AKR1E2: variants seen among roughly 807,000 people sequenced by gnomAD.
AKR1E2 encodes the protein aldo-keto reductase family 1 member E2, also known as 1,5-anhydro-D-fructose reductase.
In AKR1E2, 43 loss-of-function variants were observed where a neutral mutation model predicts 41.9. That is an observed-to-expected ratio of 1.03 (90% CI 0.80 to 1.32). AKR1E2 has a LOEUF of 1.32. Ranked by LOEUF, AKR1E2 falls within the 40% of genes most tolerant of loss-of-function variation. The pLI is 0.00. For synonymous variants in AKR1E2, 121 were observed against 138.9 expected (o/e 0.87, Z 0.91); for missense variants, 423 against 396.5 (o/e 1.07, Z -0.57).
At chr10:4,849,494 C>A (rs1053242872), downstream of AKR1E2, among the ~76,000 whole-genome samples, 5 of 152,168 alleles carry the variant, frequency 3.3e-5, no homozygotes, top group African/African-American at 1.2e-4. Context: ...ATTTTATCTC[C>A]CACAGAGTCA....
chr10:4,844,035 A>G (rs1834096610), intron 8 of AKR1E2, among the ~76,000 whole-genome samples: 6 of 152,216 alleles, frequency 3.9e-5, no homozygotes, highest in Admixed American at 3.9e-4. Flanking sequence ...CATCTGCTCC[A>G]CATGGTGTGT....
chr10:4,837,019 G>A (rs1264168051), intron 4 of AKR1E2, among the ~76,000 whole-genome samples: 1 of 152,202 alleles, frequency 6.6e-6, no homozygotes, highest in African/African-American at 2.4e-5. Flanking sequence ...ATGTATCCGT[G>A]TGCTTAAGAA....
At chr10:4,834,721 C>A (rs1407348561) in intron 3 of AKR1E2, among the ~76,000 whole-genome samples, 2 of 152,246 alleles carry the variant, frequency 1.3e-5, no homozygotes, top group Non-Finnish European at 2.9e-5. Context: ...GTTACACTTT[C>A]CTTGCCCTCA....
the AKR1E2 span, among the ~76,000 whole-genome samples, chr10:4,868,493 A>G: frequency 6.6e-6 from 1 of 152,186 alleles, no homozygotes; most frequent in Non-Finnish European, 1.5e-5. Context: ...TATGTAGTCA[A>G]TCACGTCACC....
chr10:4,858,544 CAG>C, the AKR1E2 span, among the ~76,000 whole-genome samples: 2 of 152,108 alleles, frequency 1.3e-5, no homozygotes, highest in Admixed American at 1.3e-4. Context: ...CATAGAACTA[CAG>C]AGAGAAAGTG....
chr10:4,871,071 A>G, the AKR1E2 span, among the ~76,000 whole-genome samples: 1 of 152,110 alleles, frequency 6.6e-6, no homozygotes, highest in Non-Finnish European at 1.5e-5. Context: ...ATGTTATGCT[A>G]TTGATTCCAT....
intron 3 of AKR1E2, among the ~76,000 whole-genome samples, chr10:4,835,471 A>C (rs1307874794): frequency 1.3e-5 from 2 of 152,202 alleles, no homozygotes; most frequent in Middle Eastern, 3.2e-3. Context: ...AACAGTGAAC[A>C]TCAGGCTGGC....
intron 7 of AKR1E2, 67 bp downstream of exon 7, chr10:4,841,924 TG>T: frequency 6.8e-7 from 1 of 1,467,674 alleles, no homozygotes; most frequent in Non-Finnish European, 9.3e-7. Context: ...TGGGGAGTCC[TG>T]GGGCTTGGCA....
At chr10:4,847,285 T>C (rs946508461) in intron 9 of AKR1E2, 55 bp downstream of exon 9, 2 of 1,609,692 alleles carry the variant, frequency 1.2e-6, no homozygotes, top group African/African-American at 1.3e-5. Context: ...GATTGAATGA[T>C]TGGTGTCTGA....
At chr10:4,846,911 C>T (rs768384101) in intron 8 of AKR1E2, among the ~76,000 whole-genome samples, 8 of 152,216 alleles carry the variant, frequency 5.3e-5, no homozygotes, top group Non-Finnish European at 1.2e-4. Flanking sequence ...ATATTTCCAT[C>T]TGTCCAAGGC....
chr10:4,832,679 G>C (rs2123354), intron 2 of AKR1E2, among the ~76,000 whole-genome samples: 31,396 of 152,124 alleles, frequency 0.21, 3,433 homozygotes, highest in Middle Eastern at 0.34. Flanking sequence ...TTATTTTTGT[G>C]AAGATACTGT....
At chr10:4,842,230 T>C (rs1833947290) in intron 7 of AKR1E2, among the ~76,000 whole-genome samples, 191 bp from the exon 8 acceptor site, 1 of 152,264 alleles carries the variant, frequency 6.6e-6, no homozygotes, top group Non-Finnish European at 1.5e-5. Context: ...GCAGATTCTC[T>C]GATCTCCTCC....
downstream of AKR1E2, among the ~76,000 whole-genome samples, chr10:4,851,974 G>A (rs1834534001): frequency 6.6e-6 from 1 of 152,200 alleles, no homozygotes; most frequent in South Asian, 2.1e-4. Flanking sequence ...CCCAGTGACA[G>A]TGCCAGACCC....
the AKR1E2 span, among the ~76,000 whole-genome samples, chr10:4,868,401 G>A: frequency 3.9e-5 from 6 of 152,084 alleles, no homozygotes; most frequent in Admixed American, 1.3e-4. Flanking sequence ...TTTCTTCATC[G>A]CTTTGGTCTG....
downstream of AKR1E2, among the ~76,000 whole-genome samples, chr10:4,852,559 T>C (rs893270150): frequency 1.4e-5 from 2 of 143,246 alleles, no homozygotes; most frequent in African/African-American, 5.1e-5. Flanking sequence ...TAAGTTAGAT[T>C]AAGTGGGATT....
intron 3 of AKR1E2, among the ~76,000 whole-genome samples, chr10:4,834,211 C>A (rs542663651): frequency 5.5e-4 from 84 of 152,386 alleles, no homozygotes; most frequent in African/African-American, 1.9e-3. Context: ...GAATGGGTGA[C>A]TGCTGCTCAG....
At position 4,837,515 on chromosome 10, in the gene AKR1E2, C is replaced by G. The variant is rs147954959; in HGVS notation, c.516C>G (p.Phe172Leu). The G allele has an allele frequency of 4.3e-6, 7 of 1,613,128 alleles. No homozygotes were observed. Among genetic ancestry groups the G allele is most frequent in the Non-Finnish European group, 5.9e-6 (7 of 1,179,456 alleles). Residue 172 changes from phenylalanine to leucine, a missense_variant, in exon 5 of 10, where the codon TTC (phenylalanine) becomes TTG (leucine). Physicochemically the swap from Phe to Leu is conservative, Grantham distance 22. Transcript: ENST00000298375. The stretch of plus-strand genomic sequence containing the variant: ...TGAAGAACATCGGGGTGTCAAACTT[C>G]AACCATGAACAGCTTGAGAGGCTTT... ...GLVKNIGVSN[F>L]NHEQLERLLN...
downstream of AKR1E2, among the ~76,000 whole-genome samples, chr10:4,852,067 G>T (rs1834535111): frequency 6.6e-6 from 1 of 152,134 alleles, no homozygotes; most frequent in Non-Finnish European, 1.5e-5. Context: ...TTGGATGAAA[G>T]AAACAGAAGA....
Position 4,837,354 on chromosome 10 carries a change from A to T in AKR1E2, c.460-105A>T, listed in dbSNP as rs142760676. 16 of 1,423,328 alleles carry T rather than the reference A, an allele frequency of 1.1e-5. No individual in the cohort carries two copies. In the Middle Eastern group the frequency reaches 5.6e-4, roughly 50 times the overall value. 88.2% of individuals were successfully genotyped at this position (1,423,328 alleles called of 1,614,324 possible). A position where few individuals can be genotyped will look rare whatever the true frequency, so the allele number is the denominator to read the frequency against. On this transcript the variant is annotated intron_variant, in intron 4 of 9. Coordinates refer to ENST00000298375, the MANE Select transcript of AKR1E2 (RefSeq NM_001040177.3). ...GCTTCAAGTAAAATATTGTAAAAATATTGGGTCCAACCAGTTTTAGAATAC... is the reference window on the plus strand; with the variant it reads ...GCTTCAAGTAAAATATTGTAAAAATTTTGGGTCCAACCAGTTTTAGAATAC...
Sources: gnomAD v4.1 joint callset for allele counts (sites outside exome capture counted in the v4.1 genomes callset) on GRCh38, gnomAD v4.1.1 for gene constraint, MANE v1.5 for transcripts, NCBI Gene and HGNC (gene_info 2026-07-23, HGNC 2026-07-21) for gene names.